The following CBX5 variants were observed in gnomAD, a reference collection of about 807,000 sequenced individuals.
CBX5 encodes the protein chromobox protein homolog 5.
A neutral mutation model predicts 20.7 loss-of-function variants in CBX5; 7 were observed. The observed-to-expected ratio is 0.34, with a 90% CI of 0.19 to 0.63. The LOEUF (loss-of-function observed/expected upper bound fraction) is 0.63. Ranked by LOEUF, CBX5 falls within the 30% of genes least tolerant of loss-of-function variation. CBX5 has a pLI of 0.75. For missense variants in CBX5, 110 were observed against 224.1 expected, an observed-to-expected ratio of 0.49 and a Z score of 3.25; for synonymous variants, 78 against 77.0, an observed-to-expected ratio of 1.01 and a Z score of -0.07.
intron 2 of CBX5, chr12:54,255,702 A>G (rs1943856982): frequency 6.6e-6 from 1 of 152,186 alleles, no homozygotes; most frequent in Non-Finnish European, 1.5e-5. Context: ...CTAATGCTCA[A>G]AATGGGAGTT....
At chr12:54,249,455 C>T (rs1943770402) in intron 3 of CBX5, among the ~76,000 whole-genome samples, 1 of 150,448 alleles carries the variant, frequency 6.6e-6, no homozygotes, top group Non-Finnish European at 1.5e-5. Context: ...AACGTACCCC[C>T]CAGGTGATTA....
At chr12:54,274,781 T>A (rs1944044400) in intron 1 of CBX5, among the ~76,000 whole-genome samples, 1 of 151,772 alleles carries the variant, frequency 6.6e-6, no homozygotes, top group African/African-American at 2.4e-5. Context: ...CTACTAAAAA[T>A]ACAAAAAAAT....
chr12:54,256,791 G>A (rs1298319729), intron 2 of CBX5, among the ~76,000 whole-genome samples: 1 of 152,172 alleles, frequency 6.6e-6, no homozygotes, highest in Admixed American at 6.5e-5. Flanking sequence ...GGTGGCTCAC[G>A]GCTGTAATCC....
chr12:54,241,472 G>C lies in CBX5; in HGVS notation c.*283C>G, dbSNP rs936031035. On this transcript the variant is annotated 3_prime_UTR_variant, in exon 5 of 5. Coordinates refer to ENST00000209875, the MANE Select transcript of CBX5 (RefSeq NM_012117.3). ...TTAAAAAGTTGAAACTCATCTTGAG[G>C]TCACAGGGAAGCAGAAGGAAGAGAT... The C allele has an allele frequency of 1.6e-5, 5 of 304,030 alleles. No individual in the cohort carries two copies. The highest frequency in any genetic ancestry group is 3.0e-5 in the Non-Finnish European group (5 of 166,636). 18.8% of individuals were successfully genotyped at this position (304,030 alleles called of 1,614,324 possible). A position where few individuals can be genotyped will look rare whatever the true frequency, so the allele number is the denominator to read the frequency against.
rs1419571095 is a variant in CBX5, at chr12:54,260,180, AC to A, written c.-42-2489del. On this transcript the variant is annotated intron_variant, in intron 1 of 4. Coordinates refer to ENST00000209875, the MANE Select transcript of CBX5 (RefSeq NM_012117.3). Reference sequence around the variant, plus strand: ...ACAACCAAAAAAAAAAAAAAAAAAAACCCCTTTTAACTAAAATTAGAGGTGG... The same window carrying A: ...ACAACCAAAAAAAAAAAAAAAAAAAACCCTTTTAACTAAAATTAGAGGTGG... Among the ~76,000 whole-genome samples the A allele has an allele frequency of 1.9e-3, 284 of 149,274 alleles. 2 individuals carry two copies. The highest frequency in any genetic ancestry group is 7.0e-3 in the African/African-American group (279 of 39,872).
intron 2 of CBX5, among the ~76,000 whole-genome samples, chr12:54,254,608 T>G (rs544997128): frequency 6.6e-5 from 10 of 152,186 alleles, no homozygotes; most frequent in Non-Finnish European, 1.0e-4. Flanking sequence ...ATCCCAGCAC[T>G]TTGGGAAGCA....
rs1322943213 is a variant in CBX5, at chr12:54,233,665, T to A, written c.*8090A>T. 6.6e-6 allele frequency: 1 copy of A among 152,106 alleles called. No individual in the cohort carries two copies. The highest frequency in any genetic ancestry group is 2.4e-5 in the African/African-American group (1 of 41,390). The allele number at this position is 152,106 out of a possible 1,614,324, so 9.4% of individuals were successfully genotyped here. On this transcript the variant is annotated 3_prime_UTR_variant, in exon 5 of 5. Transcript: ENST00000209875. ...TTCACTAGGGGCCGGGTGCGGTGGC[T>A]TATGCTTGTAATCCCAGCACTTTGG... is the stretch of plus-strand genomic sequence containing the variant.
In CBX5 at chr12:54,257,682, C is replaced by A; in HGVS notation, c.-32G>T. The A allele has an allele frequency of 6.2e-7, 1 of 1,613,446 alleles. No homozygotes were observed. The highest frequency in any genetic ancestry group is 1.1e-5 in the South Asian group (1 of 90,984). On this transcript the variant is annotated 5_prime_UTR_variant, in exon 2 of 5. Transcript: ENST00000209875. ...CACCGTTCCACCTGAAAGACTAAGG[C>A]CACCAGGTCCCTGCAAAGGCAAAGG...
chr12:54,254,351 AAAG>A (rs1338408978), intron 2 of CBX5, among the ~76,000 whole-genome samples: 1 of 151,610 alleles, frequency 6.6e-6, no homozygotes, highest in Non-Finnish European at 1.5e-5. Context: ...AAAAAAAAAA[AAAG>A]GTTTATTTAG....
intron 2 of CBX5, among the ~76,000 whole-genome samples, chr12:54,256,561 C>T (rs1943864690): frequency 6.6e-6 from 1 of 152,092 alleles, no homozygotes; most frequent in East Asian, 1.9e-4. Flanking sequence ...GCTGTGCCAT[C>T]CAATATGGTA....
At position 54,231,268 on chromosome 12, in the gene CBX5, T is replaced by C. The variant is rs1226319596; in HGVS notation, c.*10487A>G. ...TCTGGCTACAAAGTGATTTGTTTGCTATTTGGGACAGTACAGAGTGCTGAA... is the reference window on the plus strand; with the variant it reads ...TCTGGCTACAAAGTGATTTGTTTGCCATTTGGGACAGTACAGAGTGCTGAA... On this transcript the variant is annotated 3_prime_UTR_variant, in exon 5 of 5. Coordinates refer to ENST00000209875, the MANE Select transcript of CBX5 (RefSeq NM_012117.3). 6.5e-6 allele frequency: 1 copy of C among 153,920 alleles called. No individual in the cohort carries two copies. Among genetic ancestry groups the C allele is most frequent in the Admixed American group, 6.5e-5 (1 of 15,280 alleles). The allele number at this position is 153,920 out of a possible 1,614,324, so 9.5% of individuals were successfully genotyped here. A position where few individuals can be genotyped will look rare whatever the true frequency, so the allele number is the denominator to read the frequency against.
chr12:54,262,786 G>A (rs1048405505), intron 1 of CBX5: 1 of 152,528 alleles, frequency 6.6e-6, no homozygotes, highest in Non-Finnish European at 1.5e-5. Context: ...TTCACACTGA[G>A]CTTAGGAGGA....
chr12:54,269,571 T>TA (rs2137029867), intron 1 of CBX5, among the ~76,000 whole-genome samples: 1 of 152,206 alleles, frequency 6.6e-6, no homozygotes, highest in South Asian at 2.1e-4. Context: ...GTATTTTTAG[T>TA]AGAGACGGGG....
rs186469185 is a variant in CBX5, at chr12:54,243,318, A to T, written c.426-1413T>A. On this transcript the variant is annotated intron_variant, in intron 4 of 4. Coordinates refer to ENST00000209875, the MANE Select transcript of CBX5 (RefSeq NM_012117.3). ...AGCCCAGGCACAGCGCCTCATACCT[A>T]TAATCCCAGCACTTTGGGAGGCCGA... Among the ~76,000 whole-genome samples the T allele has an allele frequency of 6.9e-4, 104 of 149,698 alleles. 1 individual carries two copies. The highest frequency in any genetic ancestry group is 2.4e-3 in the African/African-American group (99 of 40,734).
intron 1 of CBX5, 149 bp from the exon 2 acceptor site, chr12:54,257,841 T>C (rs757460381): frequency 9.1e-5 from 53 of 584,156 alleles, no homozygotes; most frequent in Admixed American, 1.9e-4. Context: ...TCCTAAGAGT[T>C]TAATTTAAAA....
rs1335800734 is a variant in CBX5, at chr12:54,231,280, TAC to T, written c.*10473_*10474del. 1 of 154,138 alleles carries T rather than the reference TAC, an allele frequency of 6.5e-6. No individual in the cohort carries two copies. Among genetic ancestry groups the T allele is most frequent in the African/African-American group, 2.4e-5 (1 of 41,510 alleles). The allele number at this position is 154,138 out of a possible 1,614,324, so 9.5% of individuals were successfully genotyped here. A position where few individuals can be genotyped will look rare whatever the true frequency, so the allele number is the denominator to read the frequency against. ...GTGATTTGTTTGCTATTTGGGACAG[TAC>T]AGAGTGCTGAAAGAAACCCAGCTCT... On this transcript the variant is annotated 3_prime_UTR_variant, in exon 5 of 5. Coordinates refer to ENST00000209875, the MANE Select transcript of CBX5 (RefSeq NM_012117.3).
At chr12:54,278,189 A>T (rs1944089109) in intron 1 of CBX5, among the ~76,000 whole-genome samples, 1 of 152,180 alleles carries the variant, frequency 6.6e-6, no homozygotes, top group South Asian at 2.1e-4. Context: ...TAAATATTTT[A>T]CTATGCACAG....
intron 3 of CBX5, among the ~76,000 whole-genome samples, chr12:54,250,154 T>C (rs563331434): frequency 2.0e-5 from 3 of 152,006 alleles, no homozygotes; most frequent in Non-Finnish European, 2.9e-5. Context: ...ACCCAGGAGA[T>C]GGAGGGTGCA....
rs919300844 is a variant in CBX5, at chr12:54,236,544, T to C, written c.*5211A>G. 5 of 152,230 alleles carry C rather than the reference T, an allele frequency of 3.3e-5. No individual in the cohort carries two copies. The highest frequency in any genetic ancestry group is 1.2e-4 in the African/African-American group (5 of 41,448). 9.4% of individuals were successfully genotyped at this position (152,230 alleles called of 1,614,324 possible). A position where few individuals can be genotyped will look rare whatever the true frequency, so the allele number is the denominator to read the frequency against. The stretch of plus-strand genomic sequence containing the variant: ...TTAGCAGGTAAAGGTAGCATGAAAC[T>C]GCAATACACTGGCTCCAGACCTTTC... On this transcript the variant is annotated 3_prime_UTR_variant, in exon 5 of 5. Coordinates refer to ENST00000209875, the MANE Select transcript of CBX5 (RefSeq NM_012117.3).
Sources: gnomAD v4.1 joint callset for allele counts (sites outside exome capture counted in the v4.1 genomes callset) on GRCh38, gnomAD v4.1.1 for gene constraint, MANE v1.5 for transcripts, NCBI Gene and HGNC (gene_info 2026-07-23, HGNC 2026-07-21) for gene names.